Variants in C3orf49 observed in about 807,000 individuals in gnomAD.
The protein encoded by C3orf49 is chromosome 3 open reading frame 49.
C3orf49 carries 27 observed loss-of-function variants against 13.3 expected under a neutral mutation model. The ratio of observed to expected loss-of-function variants is 2.02; its 90% confidence interval spans 1.49 to 2.79. The LOEUF (loss-of-function observed/expected upper bound fraction) is 2.79, where lower values mean the gene tolerates loss of function less well. Among genes scored for constraint, C3orf49 ranks in the 30% most tolerant of loss-of-function variants. The pLI is 0.00. For synonymous variants in C3orf49, 87 were observed against 47.6 expected (o/e 1.83, Z -3.40); for missense variants, 242 against 134.2 (o/e 1.80, Z -3.97).
At chr3:63,801,329 G>A in the C3orf49 span, among the ~76,000 whole-genome samples, 1 of 151,280 alleles carries the variant, frequency 6.6e-6, no homozygotes, top group Non-Finnish European at 1.5e-5. Context: ...ACAGAGATGA[G>A]AAAGAGAGAA....
chr3:63,786,413 C>T, the C3orf49 span, among the ~76,000 whole-genome samples: 1 of 152,078 alleles, frequency 6.6e-6, no homozygotes, highest in African/African-American at 2.4e-5. Flanking sequence ...CACAACACTT[C>T]CCCCAATGCT....
At chr3:63,842,214 A>C (rs566570579) in intron 5 of C3orf49, among the ~76,000 whole-genome samples, 97 of 152,324 alleles carry the variant, frequency 6.4e-4, no homozygotes, top group African/African-American at 2.2e-3. Flanking sequence ...ATATGAAAAA[A>C]TTCTCAACAT....
the C3orf49 span, among the ~76,000 whole-genome samples, chr3:63,795,089 T>C: frequency 6.6e-6 from 1 of 152,166 alleles, no homozygotes; most frequent in Non-Finnish European, 1.5e-5. Flanking sequence ...GGGCAGAGCC[T>C]TTGTTTGCAT....
At chr3:63,815,771 C>CTTTT (rs1227837780), upstream of C3orf49, among the ~76,000 whole-genome samples, 4,230 of 136,446 alleles carry the variant, frequency 0.031, 190 homozygotes, top group African/African-American at 0.088. Context: ...TCTTTTCTTT[C>CTTTT]TTTTTTTTTT....
intron 2 of C3orf49, 109 bp from the exon 3 acceptor site, chr3:63,827,491 GC>G: frequency 1.8e-6 from 1 of 564,268 alleles, no homozygotes; most frequent in Non-Finnish European, 3.2e-6. Flanking sequence ...GAAAAAAAAA[GC>G]CACTGAAGCA....
chr3:63,838,289 C>A, intron 5 of C3orf49: 1 of 1,055,290 alleles, frequency 9.5e-7, no homozygotes, highest in Non-Finnish European at 1.3e-6. Flanking sequence ...ATTCTTTTAC[C>A]ACCAAAGAAA....
intron 3 of C3orf49, among the ~76,000 whole-genome samples, chr3:63,829,554 G>T (rs565754360): frequency 6.6e-5 from 10 of 152,298 alleles, no homozygotes; most frequent in Admixed American, 2.0e-4. Context: ...TAAAGATAAA[G>T]ATGGAGCAAT....
the C3orf49 span, among the ~76,000 whole-genome samples, chr3:63,787,552 T>A: frequency 2.6e-5 from 4 of 152,060 alleles, no homozygotes; most frequent in Non-Finnish European, 5.9e-5. Flanking sequence ...TAAAAAAAAA[T>A]TTGATGACAC....
At chr3:63,813,650 C>T in the C3orf49 span, among the ~76,000 whole-genome samples, 25 of 152,210 alleles carry the variant, frequency 1.6e-4, no homozygotes, top group South Asian at 1.7e-3. Context: ...GGAGTTCACC[C>T]CTTGGTAAGG....
chr3:63,806,100 A>G, the C3orf49 span, among the ~76,000 whole-genome samples: 3 of 152,164 alleles, frequency 2.0e-5, no homozygotes, highest in African/African-American at 7.2e-5. Context: ...AGTGCCAGAG[A>G]GTGAAGTCCC....
At chr3:63,828,026 A>T (rs1288542608) in intron 3 of C3orf49, among the ~76,000 whole-genome samples, 1 of 152,210 alleles carries the variant, frequency 6.6e-6, no homozygotes, top group Non-Finnish European at 1.5e-5. Context: ...TGTGCATACT[A>T]TGTGGAGTGG....
At chr3:63,806,036 T>C in the C3orf49 span, among the ~76,000 whole-genome samples, 1 of 152,208 alleles carries the variant, frequency 6.6e-6, no homozygotes, top group East Asian at 1.9e-4. Flanking sequence ...AGTGGAATAC[T>C]ACTTCTACAA....
intron 5 of C3orf49, among the ~76,000 whole-genome samples, chr3:63,843,902 GA>G (rs921375070): frequency 9.4e-5 from 13 of 138,308 alleles, no homozygotes; most frequent in East Asian, 8.5e-4. Context: ...CTCCGTCTCA[GA>G]AAAAAAAAAA....
At chr3:63,786,912 G>C in the C3orf49 span, among the ~76,000 whole-genome samples, 1 of 152,042 alleles carries the variant, frequency 6.6e-6, no homozygotes, top group Non-Finnish European at 1.5e-5. Context: ...TGGAAGTCAG[G>C]GTCTCTCATC....
the C3orf49 span, among the ~76,000 whole-genome samples, chr3:63,807,976 T>C: frequency 6.6e-6 from 1 of 151,210 alleles, no homozygotes; most frequent in Non-Finnish European, 1.5e-5. Flanking sequence ...ATGTCAAAAT[T>C]TGAGAAAGTT....
the C3orf49 span, among the ~76,000 whole-genome samples, chr3:63,798,413 TA>T: frequency 2.4e-3 from 360 of 152,240 alleles, 2 homozygotes; most frequent in Non-Finnish European, 4.0e-3. Flanking sequence ...TCCTCCTCTA[TA>T]AATTAAAAAT....
intron 5 of C3orf49, among the ~76,000 whole-genome samples, chr3:63,835,835 T>C (rs1003241270): frequency 6.6e-6 from 1 of 152,106 alleles, no homozygotes; most frequent in African/African-American, 2.4e-5. Flanking sequence ...TTCTTTTTTA[T>C]GCATATACTT....
chr3:63,820,547 T>TTAGAACTGGG (rs1190045069), intron 1 of C3orf49, among the ~76,000 whole-genome samples: 1 of 152,162 alleles, frequency 6.6e-6, no homozygotes, highest in Non-Finnish European at 1.5e-5. Context: ...CTGAGACCAC[T>TTAGAACTGGG]TAGAACTGGG....
chr3:63,821,148 A>G lies in C3orf49; in HGVS notation c.125+1552A>G, dbSNP rs181657596. 1.8e-3 allele frequency among the ~76,000 whole-genome samples: 272 copies of G among 152,304 alleles called. 1 individual carries two copies. The highest frequency in any genetic ancestry group is 3.4e-3 in the Middle Eastern group (1 of 294). ...GAAGACCAAAGCTTATAGAGGTTAC[A>G]TGACATGCCCAAGGTCACAGAGTTA... On this transcript the variant is annotated intron_variant, in intron 1 of 6. Transcript: ENST00000295896.
Sources: allele counts gnomAD v4.1 joint callset (sites outside exome capture counted in the v4.1 genomes callset), GRCh38; gene constraint gnomAD v4.1.1; transcripts MANE v1.5; gene names NCBI Gene and HGNC (gene_info 2026-07-23, HGNC 2026-07-21).